Variants in RAP1GAP2 observed in about 807,000 individuals in gnomAD.
The protein encoded by RAP1GAP2 is rap1 GTPase-activating protein 2.
In RAP1GAP2, 27 loss-of-function variants were observed where a neutral mutation model predicts 95.0. The ratio of observed to expected loss-of-function variants is 0.28; its 90% CI spans 0.21 to 0.39. The LOEUF (loss-of-function observed/expected upper bound fraction) is 0.39. Among genes scored for constraint, RAP1GAP2 ranks in the 10% least tolerant of loss-of-function variants. RAP1GAP2 has a pLI of 1.00. For missense variants in RAP1GAP2, 771 were observed against 970.0 expected (o/e 0.79, Z 2.72); for synonymous variants, 373 against 380.9 (o/e 0.98, Z 0.24).
chr17:2,856,919 TC>T (rs2072162879), intron 2 of RAP1GAP2, among the ~76,000 whole-genome samples: 1 of 152,202 alleles, frequency 6.6e-6, no homozygotes, highest in Non-Finnish European at 1.5e-5. Context: ...GACCTTTGCT[TC>T]CCTCTCTGTA....
chr17:3,030,004 GAT>G (rs60507976), intron 22 of RAP1GAP2, among the ~76,000 whole-genome samples: 29,614 of 150,012 alleles, frequency 0.2, 3,099 homozygotes, highest in African/African-American at 0.25. Context: ...AATGTGGACT[GAT>G]ATTACCATGT....
rs574401394 is a variant in RAP1GAP2, at chr17:2,843,780, A to G, written c.80+43230A>G. Among the ~76,000 whole-genome samples, 4 of 152,198 alleles carry G rather than the reference A, an allele frequency of 2.6e-5. No homozygotes were observed. In the South Asian group the frequency reaches 8.3e-4, roughly 32 times the overall value. On this transcript the variant is annotated intron_variant, in intron 2 of 24. Transcript: ENST00000254695. ...GCTGACATGGGGCCACGTGAAGGTC[A>G]CTACTGGCCTTGCCTGGGCAACATC...
chr17:3,026,295 G>A (rs567915773), intron 20 of RAP1GAP2, 55 bp from the exon 21 acceptor site: 2 of 1,455,294 alleles, frequency 1.4e-6, no homozygotes, highest in African/African-American at 1.4e-5. Context: ...AGGACCCTGG[G>A]GGTGGAGGGC....
chr17:2,811,906 G>C (rs1249241924), intron 2 of RAP1GAP2, among the ~76,000 whole-genome samples: 1 of 151,940 alleles, frequency 6.6e-6, no homozygotes, highest in Non-Finnish European at 1.5e-5. Flanking sequence ...CTAGAGGCGA[G>C]GTTTCACCAT....
chr17:2,967,136 A>G (rs1332075653), intron 8 of RAP1GAP2, among the ~76,000 whole-genome samples: 1 of 152,150 alleles, frequency 6.6e-6, no homozygotes, highest in African/African-American at 2.4e-5. Flanking sequence ...TGGGAGGTCA[A>G]GGCGGGTGGA....
chr17:2,795,169 C>T (rs1461336763), upstream of RAP1GAP2, among the ~76,000 whole-genome samples: 9 of 151,764 alleles, frequency 5.9e-5, no homozygotes, highest in Admixed American at 5.2e-4. Flanking sequence ...TGAGCCGCCA[C>T]ACCCGGCCTT....
chr17:2,844,315 C>T (rs778629621), intron 2 of RAP1GAP2, among the ~76,000 whole-genome samples: 11 of 152,176 alleles, frequency 7.2e-5, no homozygotes, highest in African/African-American at 1.9e-4. Flanking sequence ...CCACTGCGCC[C>T]GGCCGGCCAG....
chr17:2,767,190 C>T (rs1339877061), intron 1 of RAP1GAP2, among the ~76,000 whole-genome samples: 1 of 151,406 alleles, frequency 6.6e-6, no homozygotes, highest in Non-Finnish European at 1.5e-5. Context: ...GGTGAAACCC[C>T]GTTTCCACTA....
At chr17:2,918,892 CAG>C (rs2042661090) in intron 3 of RAP1GAP2, among the ~76,000 whole-genome samples, 1 of 152,168 alleles carries the variant, frequency 6.6e-6, no homozygotes, top group Non-Finnish European at 1.5e-5. Context: ...TTGCTTAAAA[CAG>C]AGGTATGCAG....
At chr17:2,810,149 T>C (rs1298813251) in intron 2 of RAP1GAP2, among the ~76,000 whole-genome samples, 1 of 151,762 alleles carries the variant, frequency 6.6e-6, no homozygotes, top group Non-Finnish European at 1.5e-5. Context: ...GCTGAGGCCC[T>C]GGTGAAGGGC....
At chr17:2,987,031 C>T (rs1597802472) in intron 11 of RAP1GAP2, among the ~76,000 whole-genome samples, 1 of 152,146 alleles carries the variant, frequency 6.6e-6, no homozygotes, top group East Asian at 1.9e-4. Context: ...ACTTCATGGG[C>T]CTTGGAGTCT....
chr17:2,870,464 T>G lies in RAP1GAP2; in HGVS notation c.81-34820T>G, dbSNP rs938908592. 6.6e-6 allele frequency among the ~76,000 whole-genome samples: 1 copy of G among 152,206 alleles called. No individual in the cohort carries two copies. Among genetic ancestry groups the G allele is most frequent in the Non-Finnish European group, 1.5e-5 (1 of 68,040 alleles). ...AATGTTTATTATATTTTAAAAATCC[T>G]TGTTCCTTGCAGAAAATTTGGAAAA... On this transcript the variant is annotated intron_variant, in intron 2 of 24. Transcript: ENST00000254695. This position sits in a 1 kb window ranked among gnomAD's most constrained non-coding sequence, Gnocchi z 4.4.
chr17:3,020,237 T>C (rs1306206763), intron 18 of RAP1GAP2, among the ~76,000 whole-genome samples: 1 of 152,164 alleles, frequency 6.6e-6, no homozygotes, highest in South Asian at 2.1e-4. Flanking sequence ...ACAGTTGTGG[T>C]CTTTGGTGGA....
chr17:2,997,922 CAAAAAAAAA>C (rs1313908992), intron 13 of RAP1GAP2, among the ~76,000 whole-genome samples: 1 of 67,732 alleles, frequency 1.5e-5, no homozygotes, highest in Non-Finnish European at 3.0e-5. Context: ...GACCCTGTCT[CAAAAAAAAA>C]AAAAAAAGAA....
At chr17:2,943,428 T>C (rs1188380681) in intron 3 of RAP1GAP2, among the ~76,000 whole-genome samples, 1 of 152,110 alleles carries the variant, frequency 6.6e-6, no homozygotes, top group Non-Finnish European at 1.5e-5. Context: ...ATCCCAGCAC[T>C]TTGGGAGGCT....
At chr17:2,822,635 T>TTG (rs57595720) in intron 2 of RAP1GAP2, among the ~76,000 whole-genome samples, 6 of 134,044 alleles carry the variant, frequency 4.5e-5, no homozygotes, top group African/African-American at 6.3e-5. Flanking sequence ...TTGTTTTTTT[T>TTG]TTTTTTTTTT....
upstream of RAP1GAP2, among the ~76,000 whole-genome samples, chr17:2,795,408 G>T (rs904685300): frequency 6.6e-6 from 1 of 152,198 alleles, no homozygotes; most frequent in African/African-American, 2.4e-5. Context: ...TGCAGACTGG[G>T]ATGCGTGCAG....
chr17:2,905,322 C>T lies in RAP1GAP2; in HGVS notation c.119C>T (p.Pro40Leu), dbSNP rs1043357831. 9.9e-6 allele frequency: 16 copies of T among 1,613,738 alleles called. No homozygotes were observed. Among genetic ancestry groups the T allele is most frequent in the Non-Finnish European group, 1.4e-5 (16 of 1,179,818 alleles). ...GCCAACAGCTCGGATGCGACCCTCC[C>T]AGACCGGCCGCTCTCCCCTCCTCTC... ...ELANSSDATL[P>L]DRPLSPPLTA... is the part of the protein sequence containing the mutation. Residue 40 changes from proline (P) to leucine (L), a missense_variant, in exon 3 of 25, where the codon CCA becomes CTA. Pro to Leu is a moderately conservative substitution (Grantham distance 98, BLOSUM62 -3). Coordinates refer to ENST00000254695, the MANE Select transcript of RAP1GAP2 (RefSeq NM_015085.5).
intron 3 of RAP1GAP2, among the ~76,000 whole-genome samples, chr17:2,917,013 A>G (rs1485374596): frequency 6.6e-6 from 1 of 152,174 alleles, no homozygotes; most frequent in Non-Finnish European, 1.5e-5. Context: ...TGTGGGAGGA[A>G]CAGCTGGCTG....
Sources: allele counts gnomAD v4.1 joint callset (sites outside exome capture counted in the v4.1 genomes callset), GRCh38; gene constraint gnomAD v4.1.1; non-coding constraint Gnocchi (gnomAD v3.1); transcripts MANE v1.5; gene names NCBI Gene and HGNC (gene_info 2026-07-23, HGNC 2026-07-21).